Variants in RGL1 observed in about 807,000 individuals in gnomAD.
RGL1 encodes the protein ral guanine nucleotide dissociation stimulator like 1, also known as ral guanine nucleotide dissociation stimulator-like 1.
A neutral mutation model predicts 95.2 loss-of-function variants in RGL1; 24 were observed. The observed-to-expected ratio is 0.25, with a 90% CI of 0.18 to 0.35. RGL1 has a LOEUF of 0.35. Among genes scored for constraint, RGL1 ranks in the 10% least tolerant of loss-of-function variants. The probability of loss-of-function intolerance (pLI) is 1.00; values close to 1 mark genes in which losing one functional copy is unlikely to be tolerated. For missense variants in RGL1, 715 were observed against 936.3 expected (o/e 0.76, Z 3.08); for synonymous variants, 329 against 344.9 (o/e 0.95, Z 0.51).
At chr1:183,656,760 G>T (rs1651195863) in intron 1 of RGL1, among the ~76,000 whole-genome samples, 1 of 152,006 alleles carries the variant, frequency 6.6e-6, no homozygotes, top group Admixed American at 6.5e-5. Context: ...TAATACTTTT[G>T]TAAAAGTTAA....
chr1:183,783,547 C>T (rs1660008531), intron 2 of RGL1, among the ~76,000 whole-genome samples: 1 of 152,048 alleles, frequency 6.6e-6, no homozygotes. Flanking sequence ...CAATAATAAT[C>T]CTTGATGGAC....
At chr1:183,727,546 A>G (rs1656381820) in intron 1 of RGL1, among the ~76,000 whole-genome samples, 1 of 152,202 alleles carries the variant, frequency 6.6e-6, no homozygotes, top group Non-Finnish European at 1.5e-5. Flanking sequence ...GATCAAGTAG[A>G]CAAGGATGGT....
At chr1:183,911,277 T>C (rs568300746) in intron 14 of RGL1, among the ~76,000 whole-genome samples, 7 of 152,256 alleles carry the variant, frequency 4.6e-5, no homozygotes, top group Non-Finnish European at 1.0e-4. Flanking sequence ...CTTCTTTCCA[T>C]GCTCAGGCAA....
At chr1:183,904,746 C>T in intron 12 of RGL1, 104 bp from the exon 13 acceptor site, 5 of 1,241,110 alleles carry the variant, frequency 4.0e-6, no homozygotes, top group Non-Finnish European at 5.5e-6. Context: ...TTTTCTTCAT[C>T]TTTTATCCTA....
Position 183,764,379 on chromosome 1 carries a change from G to T in RGL1, c.132+22090G>T, listed in dbSNP as rs144521043. 5.3e-5 allele frequency among the ~76,000 whole-genome samples: 8 copies of T among 152,280 alleles called. No individual in the cohort carries two copies. The East Asian group carries it at 1.5e-3, about 29-fold the overall frequency. Reference sequence around the variant, plus strand: ...AGGAACTGATCAATAGGAAGTAGATGGTCAGTGGGCAGTTATTATGGGTGA... The same window carrying T: ...AGGAACTGATCAATAGGAAGTAGATTGTCAGTGGGCAGTTATTATGGGTGA... On this transcript the variant is annotated intron_variant, in intron 2 of 18. Transcript: ENST00000304685.
chr1:183,690,198 G>A (rs1653857369), intron 1 of RGL1, among the ~76,000 whole-genome samples: 1 of 152,070 alleles, frequency 6.6e-6, no homozygotes, highest in Admixed American at 6.6e-5. Flanking sequence ...GTTTACTCTG[G>A]GAGACCACAG....
intron 4 of RGL1, among the ~76,000 whole-genome samples, chr1:183,874,172 T>C (rs554314913): frequency 4.6e-5 from 7 of 152,276 alleles, no homozygotes; most frequent in Admixed American, 2.0e-4. Flanking sequence ...CTCATAATGA[T>C]TATGTTTTAT....
At chr1:183,855,693 GTCGCCTCT>G (rs1665094989) in intron 3 of RGL1, among the ~76,000 whole-genome samples, 1 of 152,180 alleles carries the variant, frequency 6.6e-6, no homozygotes, top group Non-Finnish European at 1.5e-5. Flanking sequence ...TGGTCCCAGT[GTCGCCTCT>G]AGGGTCACCA....
intron 4 of RGL1, among the ~76,000 whole-genome samples, chr1:183,873,131 A>G (rs1166364740): frequency 6.6e-6 from 1 of 152,194 alleles, no homozygotes; most frequent in African/African-American, 2.4e-5. Flanking sequence ...GGAAGAATAA[A>G]ACAACATTGA....
At chr1:183,642,924 T>C in intron 1 of RGL1, among the ~76,000 whole-genome samples, 1 of 152,240 alleles carries the variant, frequency 6.6e-6, no homozygotes, top group Non-Finnish European at 1.5e-5. Context: ...CAAAATTAAC[T>C]CTGTACCCAT....
In RGL1 at chr1:183,782,260, C is replaced by G. The variant is rs573880364; in HGVS notation, c.133-24115C>G. Among the ~76,000 whole-genome samples the G allele has an allele frequency of 6.6e-5, 10 of 152,270 alleles. No individual in the cohort carries two copies. In the South Asian group the frequency reaches 2.1e-3, roughly 32 times the overall value. On this transcript the variant is annotated intron_variant, in intron 2 of 18. Transcript: ENST00000304685. ...TTACTATTCCATCTCCACCCAGACACGTGGTATTTTGAGAGGTTATTGCCA... is the reference window on the plus strand; with the variant it reads ...TTACTATTCCATCTCCACCCAGACAGGTGGTATTTTGAGAGGTTATTGCCA...
At chr1:183,842,344 TTC>T (rs1664115885) in intron 2 of RGL1, among the ~76,000 whole-genome samples, 1 of 152,072 alleles carries the variant, frequency 6.6e-6, no homozygotes, top group Admixed American at 6.6e-5. Flanking sequence ...TTTTTTTTTT[TTC>T]AAATTAGAAA....
chr1:183,898,080 C>G (rs1038418553), intron 10 of RGL1, among the ~76,000 whole-genome samples, 183 bp downstream of exon 10: 1 of 152,126 alleles, frequency 6.6e-6, no homozygotes, highest in African/African-American at 2.4e-5. Flanking sequence ...AGATGATTAC[C>G]CTCATTCAAC....
intron 8 of RGL1, among the ~76,000 whole-genome samples, chr1:183,890,793 A>T (rs754358272): frequency 2.0e-5 from 3 of 152,040 alleles, no homozygotes; most frequent in African/African-American, 7.2e-5. Context: ...ATCAGTGGTT[A>T]CCTAGGGCTG....
At chr1:183,659,439 C>T (rs1203531626) in intron 1 of RGL1, among the ~76,000 whole-genome samples, 1 of 152,044 alleles carries the variant, frequency 6.6e-6, no homozygotes, top group African/African-American at 2.4e-5. Flanking sequence ...ATGTGATCAA[C>T]TGAAAGAAAG....
intron 5 of RGL1, among the ~76,000 whole-genome samples, chr1:183,883,365 C>T (rs1666931086): frequency 6.6e-6 from 1 of 152,198 alleles, no homozygotes; most frequent in African/African-American, 2.4e-5. Flanking sequence ...TCATACCTGC[C>T]TTCATGGCGA....
intron 3 of RGL1, among the ~76,000 whole-genome samples, chr1:183,863,604 A>G (rs1364631568): frequency 6.6e-6 from 1 of 152,178 alleles, no homozygotes; most frequent in Non-Finnish European, 1.5e-5. Context: ...GATTTACACT[A>G]TCCAAGATAG....
At chr1:183,888,093 G>A (rs1667219911) in intron 7 of RGL1, among the ~76,000 whole-genome samples, 1 of 152,168 alleles carries the variant, frequency 6.6e-6, no homozygotes. Context: ...CTCATTTTGG[G>A]ATCTAAAGAA....
In RGL1 at chr1:183,665,227, G is replaced by A. The variant is rs1356075186; in HGVS notation, c.-33+28726G>A. Reference sequence around the variant, plus strand: ...TCAAATGTTGAATCAGCTTTACATAGCTGGGACAAATCCCACTTGGTTGTG... The same window carrying A: ...TCAAATGTTGAATCAGCTTTACATAACTGGGACAAATCCCACTTGGTTGTG... On this transcript the variant is annotated intron_variant, in intron 1 of 18. Coordinates refer to the RGL1 transcript ENST00000304685. Among the ~76,000 whole-genome samples, 7 of 152,200 alleles carry A rather than the reference G, an allele frequency of 4.6e-5. No individual in the cohort carries two copies. The East Asian group carries it at 1.3e-3, about 29-fold the overall frequency.
Sources: allele counts gnomAD v4.1 joint callset (sites outside exome capture counted in the v4.1 genomes callset), GRCh38; gene constraint gnomAD v4.1.1; transcripts MANE v1.5; gene names NCBI Gene and HGNC (gene_info 2026-07-23, HGNC 2026-07-21).